The following THSD7B variants were observed in gnomAD, a reference collection of about 807,000 sequenced individuals.
THSD7B encodes thrombospondin type-1 domain-containing protein 7B.
Under a neutral mutation model 213.6 loss-of-function variants are expected in THSD7B, and 138 were observed. The ratio of observed to expected loss-of-function variants is 0.65; its 90% CI spans 0.56 to 0.74. The LOEUF (loss-of-function observed/expected upper bound fraction) is 0.74, where lower values mean the gene tolerates loss of function less well. Among genes scored for constraint, THSD7B ranks in the 30% least tolerant of loss-of-function variants. The pLI is 0.00. For missense variants in THSD7B, 1,931 were observed against 1,991.5 expected, an observed-to-expected ratio of 0.97 and a Z score of 0.58; for synonymous variants, 742 against 687.0, an observed-to-expected ratio of 1.08 and a Z score of -1.25.
chr2:137,518,697 C>T (rs1680120879), intron 15 of THSD7B, among the ~76,000 whole-genome samples: 2 of 152,282 alleles, frequency 1.3e-5, no homozygotes, highest in African/African-American at 4.8e-5. Context: ...CCTGTCATTG[C>T]CCAATGGGCC....
intron 3 of THSD7B, among the ~76,000 whole-genome samples, chr2:137,067,184 T>C (rs1393732465): frequency 6.6e-6 from 1 of 152,162 alleles, no homozygotes; most frequent in Non-Finnish European, 1.5e-5. Context: ...CATATCTGAA[T>C]CTCATTTGGA....
At chr2:137,440,966 C>T (rs941646621) in intron 14 of THSD7B, among the ~76,000 whole-genome samples, 4 of 152,030 alleles carry the variant, frequency 2.6e-5, no homozygotes, top group African/African-American at 4.8e-5. Flanking sequence ...TGTATCAGAC[C>T]TGTCTTCACA....
chr2:136,838,548 T>C (rs893197524), intron 1 of THSD7B, among the ~76,000 whole-genome samples: 4 of 152,220 alleles, frequency 2.6e-5, no homozygotes, highest in Non-Finnish European at 5.9e-5. Context: ...CCAGTCTTTC[T>C]TGGTTAAACA....
At chr2:136,948,452 T>G (rs1401151023) in intron 2 of THSD7B, among the ~76,000 whole-genome samples, 1 of 151,180 alleles carries the variant, frequency 6.6e-6, no homozygotes, top group Admixed American at 6.6e-5. Context: ...CTCATATATA[T>G]CATATAAAAG....
At chr2:136,771,533 T>C (rs528506848) in intron 1 of THSD7B, among the ~76,000 whole-genome samples, 1 of 152,232 alleles carries the variant, frequency 6.6e-6, no homozygotes, top group South Asian at 2.1e-4. Flanking sequence ...GACTCACACT[T>C]ATTTAAAGTG....
intron 2 of THSD7B, among the ~76,000 whole-genome samples, chr2:136,961,402 A>G (rs1436496720): frequency 6.6e-6 from 1 of 151,598 alleles, no homozygotes; most frequent in Non-Finnish European, 1.5e-5. Flanking sequence ...TGTATTTCTT[A>G]GTAGAGACAG....
intron 2 of THSD7B, among the ~76,000 whole-genome samples, chr2:137,033,681 C>T (rs1320111821): frequency 1.3e-5 from 2 of 152,006 alleles, no homozygotes; most frequent in Non-Finnish European, 2.9e-5. Context: ...GGCACAATCT[C>T]GGCTCACTGC....
intron 12 of THSD7B, among the ~76,000 whole-genome samples, chr2:137,329,669 A>C (rs559055145): frequency 6.6e-6 from 1 of 152,334 alleles, no homozygotes; most frequent in Admixed American, 6.5e-5. Flanking sequence ...CCAGCCCAGC[A>C]GAAGAAATTT....
chr2:137,136,299 T>C (rs1000037947), intron 5 of THSD7B, among the ~76,000 whole-genome samples: 6 of 152,164 alleles, frequency 3.9e-5, no homozygotes, highest in African/African-American at 1.4e-4. Context: ...TAAAGAATAA[T>C]AAAATTCCCT....
At chr2:137,117,974 T>TA (rs1299020443) in intron 5 of THSD7B, among the ~76,000 whole-genome samples, 1 of 152,042 alleles carries the variant, frequency 6.6e-6, no homozygotes, top group East Asian at 1.9e-4. Flanking sequence ...GCCGCAAGAG[T>TA]ATAATAACAC....
At chr2:136,946,364 G>A (rs1272336039) in intron 2 of THSD7B, among the ~76,000 whole-genome samples, 1 of 152,098 alleles carries the variant, frequency 6.6e-6, no homozygotes, top group East Asian at 1.9e-4. Context: ...GTTCATCCCA[G>A]AGGAGCTCCC....
In THSD7B at chr2:136,817,603, C is replaced by A. The variant is rs1410637119; in HGVS notation, c.-36+51916C>A. On this transcript the variant is annotated intron_variant, in intron 1 of 27. Coordinates refer to ENST00000409968, the MANE Select transcript of THSD7B (RefSeq NM_001316349.2). ...TATGGCTAGCCAGTTTTCCCAGCAC[C>A]ATTTATTAAATAGGGAATCCTTTCC... Among the ~76,000 whole-genome samples, 20 of 150,764 alleles carry A rather than the reference C, an allele frequency of 1.3e-4. No individual in the cohort carries two copies. The South Asian group carries it at 4.2e-3, about 32-fold the overall frequency.
At chr2:136,806,036 C>T (rs956753991) in intron 1 of THSD7B, among the ~76,000 whole-genome samples, 6 of 152,156 alleles carry the variant, frequency 3.9e-5, no homozygotes, top group African/African-American at 1.4e-4. Context: ...TGCTGGTGCC[C>T]ACTTAGAGGG....
At chr2:137,509,219 TC>T (rs1441123928) in intron 15 of THSD7B, among the ~76,000 whole-genome samples, 1 of 152,092 alleles carries the variant, frequency 6.6e-6, no homozygotes, top group African/African-American at 2.4e-5. Flanking sequence ...AAGGTCACCT[TC>T]CTGTCTTTTT....
chr2:137,399,026 C>T (rs539604554), intron 12 of THSD7B, among the ~76,000 whole-genome samples: 398 of 152,168 alleles, frequency 2.6e-3, no homozygotes, highest in African/African-American at 8.3e-3. Flanking sequence ...CTTCGGCTCG[C>T]GCACGGTGCG....
At chr2:137,115,385 C>T in intron 5 of THSD7B, 92 bp downstream of exon 5, 1 of 1,309,956 alleles carries the variant, frequency 7.6e-7, no homozygotes, top group Non-Finnish European at 1.0e-6. Flanking sequence ...ATAAGTGACA[C>T]TTAGCATTCA....
At chr2:137,599,908 C>T (rs539727306) in intron 17 of THSD7B, among the ~76,000 whole-genome samples, 9 of 152,260 alleles carry the variant, frequency 5.9e-5, no homozygotes, top group Admixed American at 2.0e-4. Flanking sequence ...TTCCCCTTTG[C>T]TCTACCAAGG....
intron 2 of THSD7B, among the ~76,000 whole-genome samples, chr2:136,927,077 A>G (rs1384590446): frequency 4.6e-5 from 7 of 151,982 alleles, no homozygotes; most frequent in Admixed American, 4.6e-4. Flanking sequence ...AGACCTTATG[A>G]TTTGTCTTAT....
rs1485957413 is a variant in THSD7B, at chr2:137,272,567, C to T, written c.2301C>T (p.Ile767=). The change falls in exon 11 of 28, where the codon ATC becomes ATT. Residue 767 remains isoleucine (I), a synonymous_variant. Transcript: ENST00000409968. ...NATVKQSRYR[I]IIQEAANGGQ... ...CAGTAAAACAGTCTCGATACAGAAT[C>T]ATCATCCAAGAAGCAGCCAATGGAG... The T allele has an allele frequency of 6.2e-7, 1 of 1,611,698 alleles. No homozygotes were observed. The highest frequency in any genetic ancestry group is 8.5e-7 in the Non-Finnish European group (1 of 1,178,802).
Sources: gnomAD v4.1 joint callset for allele counts (sites outside exome capture counted in the v4.1 genomes callset) on GRCh38, gnomAD v4.1.1 for gene constraint, MANE v1.5 for transcripts, NCBI Gene and HGNC (gene_info 2026-07-23, HGNC 2026-07-21) for gene names.